Variants in PRKAA1 observed in about 807,000 individuals in gnomAD.
PRKAA1 encodes 5'-AMP-activated protein kinase catalytic subunit alpha-1.
A neutral mutation model predicts 56.9 loss-of-function variants in PRKAA1; 23 were observed. The observed-to-expected ratio is 0.40, with a 90% CI of 0.29 to 0.57. The LOEUF (loss-of-function observed/expected upper bound fraction) is 0.57. PRKAA1 is among the 20% of genes least tolerant of loss of function. PRKAA1 has a pLI of 0.39. For missense variants in PRKAA1, 413 were observed against 679.7 expected (o/e 0.61, Z 4.36); for synonymous variants, 226 against 227.0 (o/e 1.00, Z 0.04).
intron 1 of PRKAA1, among the ~76,000 whole-genome samples, chr5:40,797,587 G>A (rs1020612304): frequency 2.6e-5 from 4 of 152,190 alleles, no homozygotes; most frequent in Non-Finnish European, 5.9e-5. Context: ...AGCAGGGGCC[G>A]GTAAATCGAC....
Position 40,777,227 on chromosome 5 carries a change from G to A in PRKAA1, c.269+218C>T, listed in dbSNP as rs1744051371. Reference sequence around the variant, plus strand: ...AGGGTTTCACCATGTTGGCCAGGCTGGTCTCGAACTCCTGACCTCAGGTGA... The same window carrying A: ...AGGGTTTCACCATGTTGGCCAGGCTAGTCTCGAACTCCTGACCTCAGGTGA... On this transcript the variant is annotated intron_variant, in intron 2 of 8. Transcript: ENST00000397128. 15 of 355,052 alleles carry A rather than the reference G, an allele frequency of 4.2e-5. No homozygotes were observed. The South Asian group carries it at 5.6e-4, about 13-fold the overall frequency. The allele number at this position is 355,052 out of a possible 1,614,324, so 22.0% of individuals were successfully genotyped here.
In PRKAA1 at chr5:40,788,911, G is replaced by C. The variant is rs567179986; in HGVS notation, c.127+9152C>G. 6.6e-5 allele frequency among the ~76,000 whole-genome samples: 10 copies of C among 152,094 alleles called. No individual in the cohort carries two copies. The South Asian group carries it at 1.9e-3, about 28-fold the overall frequency. On this transcript the variant is annotated intron_variant, in intron 1 of 8. Transcript: ENST00000397128. ...AAACGTATTTACAAATCATGCATCA[G>C]ATATATAGCTAATATCCGGCCAGGC... is the stretch of plus-strand genomic sequence containing the variant.
chr5:40,763,678 T>A (rs1250727099), intron 8 of PRKAA1, among the ~76,000 whole-genome samples: 2 of 152,206 alleles, frequency 1.3e-5, no homozygotes. Context: ...AATCTAAGGT[T>A]GCAAATTTGA....
intron 1 of PRKAA1, among the ~76,000 whole-genome samples, chr5:40,790,748 C>T (rs1744686386): frequency 6.6e-6 from 1 of 152,058 alleles, no homozygotes; most frequent in Non-Finnish European, 1.5e-5. Flanking sequence ...CCATGTTGGC[C>T]AGGATGGTCT....
chr5:40,786,284 G>C (rs1331891719), intron 1 of PRKAA1, among the ~76,000 whole-genome samples: 3 of 151,000 alleles, frequency 2.0e-5, no homozygotes, highest in African/African-American at 4.9e-5. Context: ...GCAGCAGCTG[G>C]AAGAGGCAAG....
intron 1 of PRKAA1, among the ~76,000 whole-genome samples, chr5:40,778,455 G>A (rs1000046191): frequency 2.6e-5 from 4 of 152,104 alleles, no homozygotes; most frequent in African/African-American, 9.7e-5. Flanking sequence ...AAGACTAAAG[G>A]AAGAGGGGAA....
chr5:40,784,090 A>C (rs1744372553), intron 1 of PRKAA1, among the ~76,000 whole-genome samples: 1 of 152,212 alleles, frequency 6.6e-6, no homozygotes, highest in Non-Finnish European at 1.5e-5. Context: ...AATGCCTGGC[A>C]TATAGCAAGT....
intron 1 of PRKAA1, among the ~76,000 whole-genome samples, chr5:40,785,989 T>C (rs563578864): frequency 3.3e-4 from 50 of 152,196 alleles, no homozygotes; most frequent in African/African-American, 1.1e-3. Context: ...GCACGGTGGC[T>C]CACGCCTGTA....
chr5:40,772,999 C>T (rs1402373751), intron 3 of PRKAA1, among the ~76,000 whole-genome samples: 9 of 152,134 alleles, frequency 5.9e-5, no homozygotes, highest in Non-Finnish European at 1.0e-4. Flanking sequence ...ACATAAGTGA[C>T]AGCCATTACT....
In PRKAA1 at chr5:40,764,501, G is replaced by A. The variant is rs1475237926; in HGVS notation, c.1435+13C>T. The A allele has an allele frequency of 6.2e-7, 1 of 1,605,784 alleles. No individual in the cohort carries two copies. The highest frequency in any genetic ancestry group is 1.1e-5 in the South Asian group (1 of 90,448). ...CAAGGTCTAATCTATGTTGTTTTGT[G>A]TGATGTACATACCATCAATACTACG... On this transcript the variant is annotated intron_variant, in intron 8 of 8. Transcript: ENST00000397128.
chr5:40,784,882 G>T (rs140317191), intron 1 of PRKAA1, among the ~76,000 whole-genome samples: 1 of 152,142 alleles, frequency 6.6e-6, no homozygotes, highest in Admixed American at 6.5e-5. Context: ...TGCTTTTTCC[G>T]AACATGGTTA....
chr5:40,778,724 T>C (rs1018912956), intron 1 of PRKAA1, among the ~76,000 whole-genome samples: 4 of 151,746 alleles, frequency 2.6e-5, no homozygotes, highest in South Asian at 4.2e-4. Flanking sequence ...CATGTGCATG[T>C]GGTTTCTAGT....
intron 4 of PRKAA1, among the ~76,000 whole-genome samples, chr5:40,770,476 CA>C (rs1005076326): frequency 2.7e-5 from 4 of 147,920 alleles, no homozygotes; most frequent in Non-Finnish European, 4.5e-5. Flanking sequence ...AAAAAACAAA[CA>C]AAAAAAAGTT....
Position 40,767,456 on chromosome 5 carries a change from G to A in PRKAA1, c.821+10C>T. ...TATCAGATCTGATAACTTCCAAACT[G>A]CTTTATTACCTGATATCTTTGATTG... On this transcript the variant is annotated intron_variant, in intron 6 of 8. Transcript: ENST00000397128. 1 of 1,593,358 alleles carries A rather than the reference G, an allele frequency of 6.3e-7. No homozygotes were observed. Among genetic ancestry groups the A allele is most frequent in the Non-Finnish European group, 8.6e-7 (1 of 1,162,860 alleles).
intron 1 of PRKAA1, 121 bp downstream of exon 1, chr5:40,797,942 C>A: frequency 6.8e-7 from 1 of 1,481,136 alleles, no homozygotes; most frequent in Non-Finnish European, 9.0e-7. Flanking sequence ...GGATCCGGGA[C>A]AGGGGCTGCC....
chr5:40,762,682 T>C lies in PRKAA1; in HGVS notation c.*96A>G, dbSNP rs1579706948. ...TGCATTCCAAAACGCCAGCCCTCGG[T>C]TATAATTATGTATAACTTGATTACA... On this transcript the variant is annotated 3_prime_UTR_variant, in exon 9 of 9. Coordinates refer to ENST00000397128, the MANE Select transcript of PRKAA1 (RefSeq NM_006251.6). 3.4e-6 allele frequency: 5 copies of C among 1,488,012 alleles called. No homozygotes were observed. In the East Asian group the frequency reaches 1.1e-4, roughly 34 times the overall value. The allele number at this position is 1,488,012 out of a possible 1,614,324, so 92.2% of individuals were successfully genotyped here. A position where few individuals can be genotyped will look rare whatever the true frequency, so the allele number is the denominator to read the frequency against.
intron 3 of PRKAA1, among the ~76,000 whole-genome samples, chr5:40,774,507 A>AAT (rs1468848561): frequency 6.6e-6 from 1 of 152,002 alleles, no homozygotes; most frequent in Non-Finnish European, 1.5e-5. Flanking sequence ...AGATAAGAAA[A>AAT]ATATATATCA....
chr5:40,790,415 T>C (rs1744666170), intron 1 of PRKAA1, among the ~76,000 whole-genome samples: 1 of 152,190 alleles, frequency 6.6e-6, no homozygotes, highest in Non-Finnish European at 1.5e-5. Context: ...TGGGAGTTAT[T>C]TAGCAGGATA....
rs1011815514 is a variant in PRKAA1 at position 40,760,034 on chromosome 5, T to G, written c.*2744A>C. On this transcript the variant is annotated 3_prime_UTR_variant, in exon 9 of 9. Transcript: ENST00000397128. ...GCAAAAAACCTTATACATCTTTCAG[T>G]TGTCAAGACAAAGTAAAAATATGGT... 6.5e-6 allele frequency: 1 copy of G among 152,742 alleles called. No homozygotes were observed. The highest frequency in any genetic ancestry group is 1.5e-5 in the Non-Finnish European group (1 of 68,028). 9.5% of individuals were successfully genotyped at this position (152,742 alleles called of 1,614,324 possible).
Sources: allele counts gnomAD v4.1 joint callset (sites outside exome capture counted in the v4.1 genomes callset), GRCh38; gene constraint gnomAD v4.1.1; transcripts MANE v1.5; gene names NCBI Gene and HGNC (gene_info 2026-07-23, HGNC 2026-07-21).